The following ABCB5 variants were observed in gnomAD, a reference collection of about 807,000 sequenced individuals.
The protein encoded by ABCB5 is ATP binding cassette subfamily B member 5.
A neutral mutation model predicts 144.2 loss-of-function variants in ABCB5; 155 were observed. The ratio of observed to expected loss-of-function variants is 1.08; its 90% CI spans 0.94 to 1.23. The LOEUF is 1.23. Among genes scored for constraint, ABCB5 ranks in the 50% most tolerant of loss-of-function variants. The pLI, the probability that ABCB5 is intolerant of heterozygous loss-of-function variation, is 0.00. For missense variants in ABCB5, 1,830 were observed against 1,520.8 expected (o/e 1.20, Z -3.38); for synonymous variants, 610 against 528.6 (o/e 1.15, Z -2.11).
chr7:20,754,058 G>A (rs1783011187), intron 27 of ABCB5, among the ~76,000 whole-genome samples: 1 of 152,144 alleles, frequency 6.6e-6, no homozygotes, highest in South Asian at 2.1e-4. Context: ...GCACATGTAG[G>A]CACTTATTTA....
At chr7:20,647,339 T>C (rs1287638467) in intron 9 of ABCB5, 196 bp from the exon 10 acceptor site, 2 of 1,335,922 alleles carry the variant, frequency 1.5e-6, no homozygotes, top group Non-Finnish European at 1.9e-6. Context: ...TAATCTGTGT[T>C]TCTATTGCTT....
chr7:20,680,124 A>G (rs1424663070), intron 14 of ABCB5, among the ~76,000 whole-genome samples: 5 of 152,246 alleles, frequency 3.3e-5, no homozygotes, highest in Non-Finnish European at 5.9e-5. Context: ...ATGAATCTCA[A>G]AAACATAATG....
intron 4 of ABCB5, among the ~76,000 whole-genome samples, chr7:20,629,288 T>C (rs1474600351): frequency 6.6e-6 from 1 of 152,004 alleles, no homozygotes; most frequent in Non-Finnish European, 1.5e-5. Context: ...AGAGCCAATG[T>C]TGCAGTTCAA....
At chr7:20,627,703 G>A (rs900355401) in intron 3 of ABCB5, among the ~76,000 whole-genome samples, 2 of 151,708 alleles carry the variant, frequency 1.3e-5, no homozygotes, top group Non-Finnish European at 2.9e-5. Flanking sequence ...TTACAGGATA[G>A]GCATTGTTCT....
At chr7:20,684,595 G>GTAAA (rs1785931161) in intron 15 of ABCB5, among the ~76,000 whole-genome samples, 1 of 147,890 alleles carries the variant, frequency 6.8e-6, no homozygotes, top group South Asian at 2.1e-4. Context: ...CTCTAAATAA[G>GTAAA]TAAATAAATA....
chr7:20,719,660 G>C (rs1186391488), intron 20 of ABCB5, among the ~76,000 whole-genome samples: 1 of 152,168 alleles, frequency 6.6e-6, no homozygotes, highest in Non-Finnish European at 1.5e-5. Flanking sequence ...CAGGGAAGCA[G>C]AGCCAGAGCA....
chr7:20,637,967 G>C (rs190075764), intron 5 of ABCB5, among the ~76,000 whole-genome samples: 73 of 152,220 alleles, frequency 4.8e-4, no homozygotes, highest in Admixed American at 1.2e-3. Flanking sequence ...TTAATTGCCT[G>C]GGCTCTGGGG....
intron 14 of ABCB5, among the ~76,000 whole-genome samples, chr7:20,674,885 A>G (rs1010116782): frequency 2.6e-5 from 4 of 151,988 alleles, no homozygotes; most frequent in Admixed American, 6.6e-5. Flanking sequence ...TTCTGAAAAA[A>G]TAACTAAAAC....
chr7:20,656,501 T>C (rs6946594), intron 13 of ABCB5, among the ~76,000 whole-genome samples: 149,288 of 152,272 alleles, frequency 0.98, 73,192 homozygotes, highest in East Asian at 1. Flanking sequence ...ACAATACATA[T>C]ATTGAAAATA....
intron 2 of ABCB5, among the ~76,000 whole-genome samples, chr7:20,623,983 C>T (rs569104080): frequency 1.3e-5 from 2 of 152,316 alleles, no homozygotes; most frequent in South Asian, 4.1e-4. Flanking sequence ...GAATCAGAAA[C>T]TTCCTTAGGC....
chr7:20,680,764 C>T (rs1039443509), intron 14 of ABCB5, among the ~76,000 whole-genome samples: 1 of 151,998 alleles, frequency 6.6e-6, no homozygotes, highest in Non-Finnish European at 1.5e-5. Context: ...ATATATATTA[C>T]TTTTAATTTG....
chr7:20,688,206 A>G (rs145601563), intron 16 of ABCB5, among the ~76,000 whole-genome samples: 1,946 of 152,178 alleles, frequency 0.013, 40 homozygotes, highest in African/African-American at 0.045. Context: ...AAACAAACCA[A>G]AAAACAAAAT....
At chr7:20,638,239 C>T (rs1483285709) in intron 5 of ABCB5, among the ~76,000 whole-genome samples, 8 of 152,208 alleles carry the variant, frequency 5.3e-5, no homozygotes, top group Middle Eastern at 3.4e-3. Flanking sequence ...ATCACTTATA[C>T]ATAATCCCAA....
rs1172593120 is a variant in ABCB5, at chr7:20,704,377, C to T, written c.2338-347C>T. ...TGTGAGCCACCGCTCTGGCCTTCAT[C>T]GCCTTACTTTTGAATTATGTCTGCT... On this transcript the variant is annotated intron_variant, in intron 19 of 27. Coordinates refer to ENST00000404938, the MANE Select transcript of ABCB5 (RefSeq NM_001163941.2). Among the ~76,000 whole-genome samples, 4 of 152,082 alleles carry T rather than the reference C, an allele frequency of 2.6e-5. No individual in the cohort carries two copies. In the East Asian group the frequency reaches 7.7e-4, roughly 29 times the overall value.
chr7:20,711,798 T>TCCC (rs1787056098), intron 20 of ABCB5, among the ~76,000 whole-genome samples: 1 of 86,624 alleles, frequency 1.2e-5, no homozygotes, highest in Non-Finnish European at 2.2e-5. Flanking sequence ...CTTTCTTTCT[T>TCCC]TCTTTCTTTC....
At chr7:20,744,000 A>G (rs1782641536) in intron 25 of ABCB5, among the ~76,000 whole-genome samples, 1 of 151,912 alleles carries the variant, frequency 6.6e-6, no homozygotes, top group African/African-American at 2.4e-5. Flanking sequence ...CTCCTCTCAT[A>G]TCACTCCCCA....
rs1343546307 is a variant in ABCB5 at position 20,643,351 on chromosome 7, G to A, written c.482G>A (p.Gly161Asp). The A allele has an allele frequency of 1.2e-6, 2 of 1,613,822 alleles. No homozygotes were observed. Among genetic ancestry groups the A allele is most frequent in the African/African-American group, 2.7e-5 (2 of 74,906 alleles). The change falls in exon 6 of 28, where the codon GGT (glycine) becomes GAT (aspartate). Residue 161 changes from glycine to aspartate, a missense_variant. Physicochemically the swap from Gly to Asp is moderately conservative, Grantham distance 94 (BLOSUM62 -1). Coordinates refer to ENST00000404938, the MANE Select transcript of ABCB5 (RefSeq NM_001163941.2). Reference sequence around the variant, plus strand: ...GGCTGGTTTGATAGCTGTGACATCGGTGAACTTAACACTCGCATGACAGAG... The same window carrying A: ...GGCTGGTTTGATAGCTGTGACATCGATGAACTTAACACTCGCATGACAGAG... ...DIGWFDSCDI[G>D]ELNTRMTDDI...
At chr7:20,659,103 C>T (rs187753060) in intron 14 of ABCB5, 2 of 1,614,014 alleles carry the variant, frequency 1.2e-6, no homozygotes, top group South Asian at 1.1e-5. Context: ...AATTTCACCT[C>T]AAGTGGAGAA....
intron 17 of ABCB5, 34 bp downstream of exon 17, chr7:20,698,584 A>G (rs1322893751): frequency 1.1e-5 from 17 of 1,552,674 alleles, no homozygotes; most frequent in African/African-American, 1.4e-5. Context: ...ACTTTCAGCA[A>G]TTTAAAGAAA....
Sources: gnomAD v4.1 joint callset for allele counts (sites outside exome capture counted in the v4.1 genomes callset) on GRCh38, gnomAD v4.1.1 for gene constraint, MANE v1.5 for transcripts, NCBI Gene and HGNC (gene_info 2026-07-23, HGNC 2026-07-21) for gene names.